Variants in PRKX observed in about 807,000 individuals in gnomAD.
PRKX encodes the protein cAMP-dependent protein kinase catalytic subunit PRKX.
PRKX carries 12 observed loss-of-function variants against 22.0 expected under a neutral mutation model. The observed-to-expected ratio is 0.54, with a 90% confidence interval of 0.35 to 0.88. The LOEUF is 0.88. PRKX is among the 40% of genes least tolerant of loss of function. PRKX has a pLI of 0.01. For missense variants in PRKX, 217 were observed against 308.0 expected (o/e 0.70, Z 2.21); for synonymous variants, 134 against 137.7 (o/e 0.97, Z 0.19).
chrX:3,685,834 C>T (rs1377602100), intron 1 of PRKX, among the ~76,000 whole-genome samples: 3 of 111,638 alleles, frequency 2.7e-5, no homozygotes, highest in Non-Finnish European at 3.8e-5. Flanking sequence ...TCACTGGAGC[C>T]CAGGCGTCCA....
At chrX:3,621,132 T>C (rs1216877440) in intron 6 of PRKX, 127 bp downstream of exon 6, 2 of 505,495 alleles carry the variant, frequency 4.0e-6, no homozygotes, top group Non-Finnish European at 6.4e-6. Flanking sequence ...ACACCAGATT[T>C]GAAATTTGGG....
chrX:3,671,487 A>C (rs189159348), intron 2 of PRKX, among the ~76,000 whole-genome samples: 215 of 111,722 alleles, frequency 1.9e-3, no homozygotes, highest in Middle Eastern at 9.1e-3. Flanking sequence ...GTGGCCTTAA[A>C]TTCCATGTAG....
chrX:3,652,431 A>G (rs1418524646), intron 3 of PRKX, among the ~76,000 whole-genome samples: 1 of 107,505 alleles, frequency 9.3e-6, no homozygotes, highest in Admixed American at 1.0e-4. Flanking sequence ...AAAAAAAAAA[A>G]AAGTTAGCTA....
intron 3 of PRKX, among the ~76,000 whole-genome samples, chrX:3,642,671 CA>C (rs1003398174): frequency 4.8e-5 from 5 of 103,544 alleles, no homozygotes. Context: ...ATCCTTTATC[CA>C]AAAAAAAAAG....
chrX:3,621,585 A>T (rs1184324600), intron 5 of PRKX, among the ~76,000 whole-genome samples: 2 of 112,095 alleles, frequency 1.8e-5, no homozygotes, highest in Non-Finnish European at 3.8e-5. Flanking sequence ...TGAGTAGAAA[A>T]GGGTGAAATT....
chrX:3,663,804 G>A (rs1927663331), intron 2 of PRKX, among the ~76,000 whole-genome samples: 1 of 110,837 alleles, frequency 9.0e-6, no homozygotes, highest in South Asian at 3.8e-4. Flanking sequence ...GGGCAAGGAG[G>A]AAGAGCAGGA....
At chrX:3,627,249 GCA>G (rs1926678380) in intron 4 of PRKX, among the ~76,000 whole-genome samples, 2 of 109,317 alleles carry the variant, frequency 1.8e-5, no homozygotes, top group Admixed American at 9.8e-5. Flanking sequence ...AGGCGTGGTG[GCA>G]CGCGTCCGTA....
intron 3 of PRKX, among the ~76,000 whole-genome samples, chrX:3,653,336 C>T (rs751355873): frequency 2.7e-5 from 3 of 109,969 alleles, no homozygotes; most frequent in East Asian, 2.9e-4. Context: ...CAGAATCTGT[C>T]GCACCTCGAT....
At chrX:3,639,823 G>C (rs1927031152) in intron 4 of PRKX, among the ~76,000 whole-genome samples, 1 of 110,747 alleles carries the variant, frequency 9.0e-6, no homozygotes, top group South Asian at 3.9e-4. Context: ...TTATAAAAGA[G>C]GGCAGAGATA....
chrX:3,634,752 G>A (rs1347867482), intron 4 of PRKX, among the ~76,000 whole-genome samples: 2 of 111,684 alleles, frequency 1.8e-5, no homozygotes, highest in African/African-American at 3.3e-5. Flanking sequence ...GTGTAGTGAC[G>A]AGACCACAGC....
chrX:3,614,678 G>A (rs1926380488), intron 7 of PRKX, among the ~76,000 whole-genome samples: 1 of 111,180 alleles, frequency 9.0e-6, no homozygotes, highest in Admixed American at 9.7e-5. Flanking sequence ...TAAACATAAT[G>A]TTAGATAAAA....
chrX:3,657,881 A>G (rs912478631), intron 2 of PRKX, among the ~76,000 whole-genome samples: 1 of 112,115 alleles, frequency 8.9e-6, no homozygotes, highest in Non-Finnish European at 1.9e-5. Flanking sequence ...ATCTCAGCAC[A>G]AGTTACAAAT....
chrX:3,621,342 A>C (rs761511302), intron 5 of PRKX, 26 bp from the exon 6 acceptor site: 1 of 1,167,878 alleles, frequency 8.6e-7, no homozygotes, highest in Non-Finnish European at 1.2e-6. Flanking sequence ...AGACAAAAAA[A>C]AAAAAAGTAC....
At chrX:3,634,025 T>G (rs12688308) in intron 4 of PRKX, among the ~76,000 whole-genome samples, 36,369 of 109,629 alleles carry the variant, frequency 0.33, 4,773 homozygotes, top group East Asian at 0.63. Flanking sequence ...TGAGGCAGGT[T>G]AATCACTCGA....
intron 7 of PRKX, among the ~76,000 whole-genome samples, chrX:3,615,207 C>A (rs1433060477): frequency 4.6e-5 from 5 of 108,705 alleles, no homozygotes; most frequent in Non-Finnish European, 7.6e-5. Context: ...TCTGTAGAGG[C>A]GGGATTTCAC....
At chrX:3,701,951 A>T (rs1262182718) in intron 1 of PRKX, among the ~76,000 whole-genome samples, 1 of 112,270 alleles carries the variant, frequency 8.9e-6, no homozygotes, top group Non-Finnish European at 1.9e-5. Flanking sequence ...AATAGCCATA[A>T]AAATGGGCAA....
chrX:3,691,619 G>A (rs1252651235), intron 1 of PRKX, among the ~76,000 whole-genome samples: 1 of 111,263 alleles, frequency 9.0e-6, no homozygotes, highest in Non-Finnish European at 1.9e-5. Context: ...GATTCTCTGT[G>A]GTGGGGCCAT....
intron 1 of PRKX, among the ~76,000 whole-genome samples, chrX:3,712,357 A>T (rs1928807724): frequency 8.9e-6 from 1 of 112,006 alleles, no homozygotes; most frequent in Non-Finnish European, 1.9e-5. Context: ...GGGCTGCTCC[A>T]TAAAGCAGCG....
At chrX:3,621,047 C>T (rs142326741) in intron 6 of PRKX, among the ~76,000 whole-genome samples, 291 of 111,344 alleles carry the variant, frequency 2.6e-3, no homozygotes, top group Non-Finnish European at 3.9e-3. Flanking sequence ...CCCAGTTTGA[C>T]GTTGTGGGCC....
Sources: gnomAD v4.1 joint callset for allele counts (sites outside exome capture counted in the v4.1 genomes callset) on GRCh38, gnomAD v4.1.1 for gene constraint, MANE v1.5 for transcripts, NCBI Gene and HGNC (gene_info 2026-07-23, HGNC 2026-07-21) for gene names.